The following DNAJC17 variants were observed in gnomAD, a reference collection of about 807,000 sequenced individuals.
The protein encoded by DNAJC17 is dnaJ homolog subfamily C member 17.
Under a neutral mutation model 48.1 loss-of-function variants are expected in DNAJC17, and 35 were observed. The observed-to-expected ratio is 0.73, with a 90% CI of 0.56 to 0.96. The LOEUF is 0.96. Ranked by LOEUF, DNAJC17 falls within the 50% of genes least tolerant of loss-of-function variation. The probability of loss-of-function intolerance (pLI) is 0.00; values close to 1 mark genes in which losing one functional copy is unlikely to be tolerated. For synonymous variants in DNAJC17, 117 were observed against 142.7 expected (o/e 0.82, Z 1.28); for missense variants, 355 against 377.1 (o/e 0.94, Z 0.48).
intron 1 of DNAJC17, chr15:40,780,568 C>A (rs1889456730): frequency 5.6e-6 from 2 of 357,596 alleles, no homozygotes; most frequent in South Asian, 2.1e-5. Flanking sequence ...CATCCCAGCA[C>A]TTTGGGAGGC....
chr15:40,793,305 A>G (rs544254651), intron 1 of DNAJC17, among the ~76,000 whole-genome samples: 118 of 152,264 alleles, frequency 7.7e-4, no homozygotes, highest in African/African-American at 2.6e-3. Flanking sequence ...GCATTTTCTT[A>G]TATACTCTTA....
intron 4 of DNAJC17, 57 bp from the exon 5 acceptor site, chr15:40,776,684 C>A: frequency 9.5e-6 from 15 of 1,574,266 alleles, no homozygotes; most frequent in Non-Finnish European, 1.1e-5. Context: ...CATGTGGCCT[C>A]GGCCCACCCC....
chr15:40,779,751 GAGCATATC>G, intron 2 of DNAJC17, 148 bp from the exon 3 acceptor site: 1 of 1,090,778 alleles, frequency 9.2e-7, no homozygotes, highest in Non-Finnish European at 1.3e-6. Context: ...AAGGAGGGGT[GAGCATATC>G]AGCAACTGAC....
At chr15:40,785,888 A>G (rs778275563) in intron 1 of DNAJC17, among the ~76,000 whole-genome samples, 7 of 152,260 alleles carry the variant, frequency 4.6e-5, no homozygotes, top group Non-Finnish European at 7.3e-5. Context: ...ATGTTGGTCA[A>G]GTATGTCTGT....
In DNAJC17 at chr15:40,767,734, C is replaced by A; in HGVS notation, c.*206G>T. On this transcript the variant is annotated 3_prime_UTR_variant, in exon 11 of 11. Transcript: ENST00000220496. ...GCTGCGCCTGTGCTCTGCTTGTGCA[C>A]GGACTCTGGGACTCTCACCCTGCGG... 1 of 703,580 alleles carries A rather than the reference C, an allele frequency of 1.4e-6. No individual in the cohort carries two copies. The highest frequency in any genetic ancestry group is 2.3e-6 in the Non-Finnish European group (1 of 440,482). 43.6% of individuals were successfully genotyped at this position (703,580 alleles called of 1,614,324 possible). A position where few individuals can be genotyped will look rare whatever the true frequency, so the allele number is the denominator to read the frequency against.
At chr15:40,789,431 C>A (rs1264192524) in intron 1 of DNAJC17, among the ~76,000 whole-genome samples, 1 of 151,970 alleles carries the variant, frequency 6.6e-6, no homozygotes, top group East Asian at 1.9e-4. Flanking sequence ...GTCTACAGCC[C>A]TCTTTCTCCT....
chr15:40,779,721 T>C (rs1596081494), intron 2 of DNAJC17, 118 bp from the exon 3 acceptor site: 1 of 1,242,686 alleles, frequency 8.0e-7, no homozygotes, highest in Non-Finnish European at 1.1e-6. Flanking sequence ...CAAGCCGACA[T>C]CAGCAGATGA....
intron 1 of DNAJC17, among the ~76,000 whole-genome samples, chr15:40,785,403 C>T (rs971455492): frequency 2.6e-5 from 4 of 152,142 alleles, no homozygotes; most frequent in Admixed American, 6.5e-5. Flanking sequence ...TTTTCAAATT[C>T]GGAATCTTCT....
At chr15:40,805,815 AG>A (rs2141968344) in intron 1 of DNAJC17, among the ~76,000 whole-genome samples, 1 of 152,326 alleles carries the variant, frequency 6.6e-6, no homozygotes, top group African/African-American at 2.4e-5. Context: ...TGGGCCACAG[AG>A]CGAGACTCCG....
chr15:40,782,093 G>A (rs1003602252), intron 1 of DNAJC17, among the ~76,000 whole-genome samples: 1 of 152,038 alleles, frequency 6.6e-6, no homozygotes, highest in African/African-American at 2.4e-5. Flanking sequence ...AGGTGTGGTA[G>A]CATGTGCCTT....
At chr15:40,774,501 A>G in intron 8 of DNAJC17, 65 bp from the exon 9 acceptor site, 2 of 1,580,932 alleles carry the variant, frequency 1.3e-6, no homozygotes, top group Non-Finnish European at 1.7e-6. Flanking sequence ...GTCATGCCAG[A>G]GACAAGCCTG....
chr15:40,778,189 T>C (rs80259607), intron 4 of DNAJC17, among the ~76,000 whole-genome samples: 1 of 151,078 alleles, frequency 6.6e-6, no homozygotes, highest in Non-Finnish European at 1.5e-5. Context: ...CCCGTCTTTC[T>C]TTAAAAAAAA....
In DNAJC17 at chr15:40,774,379, C is replaced by T; in HGVS notation, c.658G>A (p.Glu220Lys). The change falls in exon 9 of 11, where the codon GAG becomes AAG. Residue 220 changes from glutamate to lysine, a missense_variant. This residue lies in a region of DNAJC17 where 68 missense variants were observed against 109.5 expected (regional missense o/e 0.62). Coordinates refer to ENST00000220496, the MANE Select transcript of DNAJC17 (RefSeq NM_018163.3). ...ACCGCTGCCTTGACGGTTGCAAACT[C>T]CACCACAGCAGTGCCTGGCTTCTTA... is the stretch of plus-strand genomic sequence containing the variant. ...SSKKPGTAVV[E>K]FATVKAAELA... 6.2e-7 allele frequency: 1 copy of T among 1,614,056 alleles called. No individual in the cohort carries two copies. The highest frequency in any genetic ancestry group is 8.5e-7 in the Non-Finnish European group (1 of 1,180,030).
At chr15:40,773,102 A>C (rs759036199) in intron 10 of DNAJC17, among the ~76,000 whole-genome samples, 31 of 151,862 alleles carry the variant, frequency 2.0e-4, no homozygotes, top group Non-Finnish European at 3.4e-4. Context: ...CTGGGATTAC[A>C]GGTGCGCACC....
intron 1 of DNAJC17, among the ~76,000 whole-genome samples, chr15:40,805,324 C>G (rs1183561053): frequency 7.0e-6 from 1 of 143,234 alleles, no homozygotes; most frequent in African/African-American, 2.7e-5. Flanking sequence ...TGCAGTGAGC[C>G]GAGATCATGC....
Position 40,770,405 on chromosome 15 carries a change from C to A in DNAJC17, c.793-2343G>T. On this transcript the variant is annotated intron_variant, in intron 10 of 10. Coordinates refer to ENST00000220496, the MANE Select transcript of DNAJC17 (RefSeq NM_018163.3). The surrounding 1 kb of genome is among the most constrained non-coding windows in gnomAD (Gnocchi z 5.0). ...CCTGAGGCCTCTGCTCCTAGGGGAG[C>A]CTCCCCAGCTGCTGGCACTCACTGC... 7.7e-7 allele frequency: 1 copy of A among 1,305,954 alleles called. No individual in the cohort carries two copies. Among genetic ancestry groups the A allele is most frequent in the Non-Finnish European group, 1.0e-6 (1 of 968,772 alleles). 80.9% of individuals were successfully genotyped at this position (1,305,954 alleles called of 1,614,324 possible).
At chr15:40,788,105 C>T (rs928602584) in intron 1 of DNAJC17, among the ~76,000 whole-genome samples, 2 of 152,124 alleles carry the variant, frequency 1.3e-5, no homozygotes, top group Non-Finnish European at 2.9e-5. Context: ...AGGCCCAGTT[C>T]CAGTCACAGG....
rs778191527 is a variant in DNAJC17, at chr15:40,765,960, C to T, written c.*1980G>A. 1.9e-6 allele frequency: 2 copies of T among 1,071,864 alleles called. No homozygotes were observed. The highest frequency in any genetic ancestry group is 1.5e-5 in the South Asian group (1 of 68,744). 66.4% of individuals were successfully genotyped at this position (1,071,864 alleles called of 1,614,324 possible). On this transcript the variant is annotated 3_prime_UTR_variant, in exon 11 of 11. Coordinates refer to ENST00000220496, the MANE Select transcript of DNAJC17 (RefSeq NM_018163.3). ...TCCCTCAGTATCCTCTCCCTGCCAG[C>T]CCCTAGACCTGCCTCTGCTCCCTTT...
At position 40,776,563 on chromosome 15, in the gene DNAJC17, G is replaced by A. The variant is rs377498510; in HGVS notation, c.360C>T (p.Ser120=). 13 of 1,614,032 alleles carry A rather than the reference G, an allele frequency of 8.1e-6. No homozygotes were observed. The highest frequency in any genetic ancestry group is 1.0e-5 in the Non-Finnish European group (12 of 1,180,002). ...QESEEEEESR[S]TRTLEQEIER... ...TCACCTCTTGCTCTAGTGTCCTGGT[G>A]CTCCGGCTCTCCTCTTCCTCCTCAC... Residue 120 remains serine (S), a synonymous_variant, in exon 5 of 11, where the codon AGC becomes AGT. Transcript: ENST00000220496.
Sources: allele counts gnomAD v4.1 joint callset (sites outside exome capture counted in the v4.1 genomes callset), GRCh38; gene constraint gnomAD v4.1.1; regional missense constraint gnomAD v4.1.1; non-coding constraint Gnocchi (gnomAD v3.1); transcripts MANE v1.5; gene names NCBI Gene and HGNC (gene_info 2026-07-23, HGNC 2026-07-21).